Variants in HEATR4 observed in about 807,000 individuals in gnomAD.
The protein encoded by HEATR4 is HEAT repeat-containing protein 4.
A neutral mutation model predicts 108.8 loss-of-function variants in HEATR4; 95 were observed. The ratio of observed to expected loss-of-function variants is 0.87; its 90% CI spans 0.74 to 1.04. HEATR4 has a LOEUF of 1.04. Ranked by LOEUF, HEATR4 falls within the 50% of genes least tolerant of loss-of-function variation. The pLI, the probability that HEATR4 is intolerant of heterozygous loss-of-function variation, is 0.00. For synonymous variants in HEATR4, 443 were observed against 459.4 expected (o/e 0.96, Z 0.46); for missense variants, 1,152 against 1,253.8 (o/e 0.92, Z 1.23).
At chr14:73,627,413 C>G in the HEATR4 span, among the ~76,000 whole-genome samples, 1 of 152,102 alleles carries the variant, frequency 6.6e-6, no homozygotes, top group Non-Finnish European at 1.5e-5. Flanking sequence ...CTCTTCCCAC[C>G]AGTCTTAAGT....
the HEATR4 span, among the ~76,000 whole-genome samples, chr14:73,625,519 G>A: frequency 6.6e-6 from 1 of 151,904 alleles, no homozygotes; most frequent in Non-Finnish European, 1.5e-5. Context: ...ATGCCACCAT[G>A]CTCAGCTAAT....
At chr14:73,487,004 A>G (rs1354265269) in intron 17 of HEATR4, among the ~76,000 whole-genome samples, 5 of 151,948 alleles carry the variant, frequency 3.3e-5, no homozygotes, top group Admixed American at 6.6e-5. Flanking sequence ...GCGATGGCTC[A>G]CGCCTGTAAT....
chr14:73,516,815 C>T (rs1887630591), intron 5 of HEATR4, among the ~76,000 whole-genome samples: 1 of 152,178 alleles, frequency 6.6e-6, no homozygotes, highest in Non-Finnish European at 1.5e-5. Context: ...TGTGAGGGGT[C>T]TAGGCTGCGC....
At chr14:73,601,607 T>C in the HEATR4 span, among the ~76,000 whole-genome samples, 15 of 152,332 alleles carry the variant, frequency 9.8e-5, no homozygotes, top group Non-Finnish European at 2.2e-4. Flanking sequence ...CAAACCAATA[T>C]GTATTTAAAT....
At chr14:73,599,288 T>C in the HEATR4 span, among the ~76,000 whole-genome samples, 1 of 152,124 alleles carries the variant, frequency 6.6e-6, no homozygotes, top group South Asian at 2.1e-4. Flanking sequence ...GTGAGCAAAA[T>C]AGATTGTTTT....
chr14:73,560,222 G>A (rs189504164), upstream of HEATR4, among the ~76,000 whole-genome samples: 1 of 152,174 alleles, frequency 6.6e-6, no homozygotes, highest in East Asian at 1.9e-4. Context: ...GTTGACCCAG[G>A]TCATGCTATT....
At chr14:73,507,867 C>T (rs531094390) in intron 9 of HEATR4, among the ~76,000 whole-genome samples, 8 of 152,314 alleles carry the variant, frequency 5.3e-5, no homozygotes, top group South Asian at 2.1e-4. Context: ...CTCAGCCTCC[C>T]GAGTAGCTGG....
chr14:73,526,373 C>G (rs1408196476), intron 2 of HEATR4, among the ~76,000 whole-genome samples: 1 of 152,182 alleles, frequency 6.6e-6, no homozygotes, highest in East Asian at 1.9e-4. Flanking sequence ...GTCACAAGGA[C>G]TATATTCCTT....
intron 10 of HEATR4, among the ~76,000 whole-genome samples, chr14:73,504,244 AT>A (rs537467265): frequency 0.11 from 13,800 of 131,120 alleles, 744 homozygotes; most frequent in East Asian, 0.29. Context: ...AGCCTGGCTA[AT>A]TTTTTTTTTT....
chr14:73,490,470 A>G (rs955376633), intron 17 of HEATR4, among the ~76,000 whole-genome samples: 7 of 152,164 alleles, frequency 4.6e-5, no homozygotes, highest in Non-Finnish European at 8.8e-5. Context: ...GCCCAGCACC[A>G]CGTCCGGCTA....
At chr14:73,501,796 CA>C (rs1293750626) in intron 11 of HEATR4, among the ~76,000 whole-genome samples, 1 of 151,718 alleles carries the variant, frequency 6.6e-6, no homozygotes, top group East Asian at 1.9e-4. Context: ...CTCTGTCGCC[CA>C]GGCTGGAGTA....
the HEATR4 span, chr14:73,592,363 G>T: frequency 6.3e-7 from 1 of 1,582,026 alleles, no homozygotes; most frequent in Non-Finnish European, 8.6e-7. Flanking sequence ...CCAGGGGTGC[G>T]GCGCCAGTCG....
chr14:73,625,783 T>C, the HEATR4 span, among the ~76,000 whole-genome samples: 33 of 152,220 alleles, frequency 2.2e-4, no homozygotes, highest in Admixed American at 2.2e-3. Flanking sequence ...GTGTTCTGAC[T>C]GCTCCACCAA....
At chr14:73,576,446 C>T in the HEATR4 span, among the ~76,000 whole-genome samples, 1 of 151,936 alleles carries the variant, frequency 6.6e-6, no homozygotes, top group African/African-American at 2.4e-5. Context: ...GTTTCAAAAG[C>T]TGATAAAACA....
chr14:73,585,013 A>G, the HEATR4 span, among the ~76,000 whole-genome samples: 11 of 148,060 alleles, frequency 7.4e-5, no homozygotes, highest in Non-Finnish European at 1.1e-4. Flanking sequence ...GACCCCCAAC[A>G]CCTCATGCCT....
At chr14:73,605,135 C>G in the HEATR4 span, among the ~76,000 whole-genome samples, 1 of 150,836 alleles carries the variant, frequency 6.6e-6, no homozygotes, top group Non-Finnish European at 1.5e-5. Context: ...AAACAAGATC[C>G]AAGAAGAAAA....
chr14:73,571,701 G>T, the HEATR4 span: 2 of 151,910 alleles, frequency 1.3e-5, no homozygotes, highest in Middle Eastern at 3.2e-3. Flanking sequence ...GCTCATCGCT[G>T]CCGGGGCACT....
chr14:73,569,396 G>C, the HEATR4 span: 3 of 1,614,000 alleles, frequency 1.9e-6, no homozygotes, highest in South Asian at 2.2e-5. Flanking sequence ...AGCTGAGGCA[G>C]GTTGGTCAGA....
chr14:73,590,953 CA>C, the HEATR4 span, among the ~76,000 whole-genome samples: 3 of 152,246 alleles, frequency 2.0e-5, no homozygotes, highest in African/African-American at 7.2e-5. Flanking sequence ...GAGGCGCCGA[CA>C]GCGAGCGAGG....
Sources: gnomAD v4.1 joint callset for allele counts (sites outside exome capture counted in the v4.1 genomes callset) on GRCh38, gnomAD v4.1.1 for gene constraint, MANE v1.5 for transcripts, NCBI Gene and HGNC (gene_info 2026-07-23, HGNC 2026-07-21) for gene names.